Variants in ITGA2 observed in about 807,000 individuals in gnomAD.
The protein encoded by ITGA2 is integrin alpha-2.
Under a neutral mutation model 146.3 loss-of-function variants are expected in ITGA2, and 101 were observed. That is an observed-to-expected ratio of 0.69 (90% CI 0.59 to 0.81). The LOEUF is 0.81. ITGA2 is among the 40% of genes least tolerant of loss of function. The pLI, the probability that ITGA2 is intolerant of heterozygous loss-of-function variation, is 0.00. For missense variants in ITGA2, 1,281 were observed against 1,402.7 expected (o/e 0.91, Z 1.39); for synonymous variants, 477 against 487.1 (o/e 0.98, Z 0.27).
Position 53,090,784 on chromosome 5 carries a change from G to GA in ITGA2, c.*185_*186insA. 1 of 557,056 alleles carries GA rather than the reference G, an allele frequency of 1.8e-6. No homozygotes were observed. The highest frequency in any genetic ancestry group is 3.2e-6 in the Non-Finnish European group (1 of 308,394). The allele number at this position is 557,056 out of a possible 1,614,324, so 34.5% of individuals were successfully genotyped here. A position where few individuals can be genotyped will look rare whatever the true frequency, so the allele number is the denominator to read the frequency against. ...AAATTGTGGGGGGTGGGGGAGGTGCGGGGGGCAGGTAGGGAAATAATAGGG... is the reference window on the plus strand; with the variant it reads ...AAATTGTGGGGGGTGGGGGAGGTGCGAGGGGGCAGGTAGGGAAATAATAGGG... On this transcript the variant is annotated 3_prime_UTR_variant, in exon 30 of 30. Coordinates refer to ENST00000296585, the MANE Select transcript of ITGA2 (RefSeq NM_002203.4).
chr5:52,989,414 C>A lies in ITGA2; in HGVS notation c.-55C>A. The A allele has an allele frequency of 6.4e-7, 1 of 1,568,876 alleles. No individual in the cohort carries two copies. The highest frequency in any genetic ancestry group is 1.1e-5 in the South Asian group (1 of 90,164). ...TCTCGTATCCCTCGGCCAAGGGTAT[C>A]CTCTGCAAACCTCTGCAAACCCAGC... is the stretch of plus-strand genomic sequence containing the variant. On this transcript the variant is annotated 5_prime_UTR_variant, in exon 1 of 30. Transcript: ENST00000296585.
At chr5:52,992,895 TCA>T (rs1051740716) in intron 1 of ITGA2, among the ~76,000 whole-genome samples, 8 of 151,604 alleles carry the variant, frequency 5.3e-5, no homozygotes, top group African/African-American at 1.9e-4. Context: ...AAATACACAT[TCA>T]CACACACACA....
At chr5:53,002,994 C>T (rs952730766) in intron 1 of ITGA2, among the ~76,000 whole-genome samples, 1 of 152,002 alleles carries the variant, frequency 6.6e-6, no homozygotes, top group African/African-American at 2.4e-5. Context: ...TAGAAGAAAC[C>T]TCAAGATATC....
At chr5:53,033,984 C>T (rs547663437) in intron 2 of ITGA2, among the ~76,000 whole-genome samples, 2 of 152,162 alleles carry the variant, frequency 1.3e-5, no homozygotes, top group Admixed American at 6.5e-5. Context: ...AGGCTGATCT[C>T]GAACTCCTGG....
chr5:53,057,920 G>A (rs1744715171), intron 9 of ITGA2, 105 bp from the exon 10 acceptor site: 1 of 776,710 alleles, frequency 1.3e-6, no homozygotes, highest in Non-Finnish European at 2.3e-6. Flanking sequence ...GTGTGTGTTT[G>A]TGTTTGTGTT....
At chr5:53,086,861 C>A (rs1746178871) in intron 27 of ITGA2, 91 bp from the exon 28 acceptor site, 6 of 1,044,026 alleles carry the variant, frequency 5.7e-6, no homozygotes, top group Non-Finnish European at 8.8e-6. Flanking sequence ...TCACATTCCA[C>A]CAGGAAATAA....
At chr5:53,089,917 A>G in intron 28 of ITGA2, 29 bp from the exon 29 acceptor site, 1 of 1,352,102 alleles carries the variant, frequency 7.4e-7, no homozygotes, top group Non-Finnish European at 1.1e-6. Context: ...TGGTATTAAA[A>G]TAACTCAACT....
chr5:53,090,777 G>GGGGGGGA lies in ITGA2; in HGVS notation c.*178_*179insGGGGGGA. ...AATGAAGAAATTGTGGGGGGTGGGG[G>GGGGGGGA]AGGTGCGGGGGGCAGGTAGGGAAAT... On this transcript the variant is annotated 3_prime_UTR_variant, in exon 30 of 30. Transcript: ENST00000296585. The GGGGGGGA allele has an allele frequency of 2.7e-6, 1 of 365,146 alleles. No individual in the cohort carries two copies. The highest frequency in any genetic ancestry group is 5.4e-6 in the Non-Finnish European group (1 of 186,762). The allele number at this position is 365,146 out of a possible 1,614,324, so 22.6% of individuals were successfully genotyped here.
At chr5:53,000,653 C>T (rs1741531110) in intron 1 of ITGA2, among the ~76,000 whole-genome samples, 1 of 151,922 alleles carries the variant, frequency 6.6e-6, no homozygotes, top group African/African-American at 2.4e-5. Context: ...TATTATATTT[C>T]GCAGTTTATG....
intron 1 of ITGA2, 93 bp downstream of exon 1, chr5:52,989,625 G>A: frequency 2.9e-6 from 4 of 1,379,604 alleles, no homozygotes; most frequent in Non-Finnish European, 4.1e-6. Flanking sequence ...TAGGGAGCGA[G>A]CTCCGTGTGT....
intron 1 of ITGA2, among the ~76,000 whole-genome samples, chr5:53,024,640 C>A (rs1742853575): frequency 6.6e-6 from 1 of 152,124 alleles, no homozygotes; most frequent in Admixed American, 6.5e-5. Context: ...CAAGGGAGAG[C>A]AGAGACCTAT....
rs557431923 is a variant in ITGA2, at chr5:53,026,612, A to AT, written c.65-130dup. The AT allele has an allele frequency of 3.1e-3, 2,391 of 775,652 alleles. 8 individuals are homozygous for AT. Among genetic ancestry groups the AT allele is most frequent in the Non-Finnish European group, 3.6e-3 (1,698 of 465,828 alleles). 48.0% of individuals were successfully genotyped at this position (775,652 alleles called of 1,614,324 possible). On this transcript the variant is annotated intron_variant, in intron 1 of 29. Transcript: ENST00000296585. Reference sequence around the variant, plus strand: ...AATAAGTACTTAAAAAGCAGTAGTTATTTTTTCTGGGTAAACGTTGATAAG... The same window carrying AT: ...AATAAGTACTTAAAAAGCAGTAGTTATTTTTTTCTGGGTAAACGTTGATAAG...
intron 1 of ITGA2, among the ~76,000 whole-genome samples, chr5:53,012,262 A>G (rs1440100993): frequency 1.3e-5 from 2 of 152,178 alleles, no homozygotes; most frequent in Non-Finnish European, 2.9e-5. Context: ...TATTTGGATA[A>G]AAAAGGATGA....
chr5:53,013,393 C>G (rs1742240954), intron 1 of ITGA2, among the ~76,000 whole-genome samples: 1 of 146,704 alleles, frequency 6.8e-6, no homozygotes, highest in African/African-American at 2.5e-5. Flanking sequence ...TTTTTGTCAA[C>G]TTTGTCGAAG....
intron 1 of ITGA2, among the ~76,000 whole-genome samples, chr5:52,998,810 A>T (rs866751114): frequency 7.2e-5 from 11 of 152,332 alleles, no homozygotes; most frequent in African/African-American, 2.4e-4. Flanking sequence ...TGAGTGATGA[A>T]TCTATGAGCC....
chr5:53,032,827 C>G (rs1743286383), intron 2 of ITGA2, among the ~76,000 whole-genome samples: 1 of 152,112 alleles, frequency 6.6e-6, no homozygotes, highest in South Asian at 2.1e-4. Flanking sequence ...TGAATATACT[C>G]AGGAGCCGGA....
chr5:53,005,927 T>G (rs1320063251), intron 1 of ITGA2, among the ~76,000 whole-genome samples: 1 of 152,088 alleles, frequency 6.6e-6, no homozygotes, highest in Non-Finnish European at 1.5e-5. Context: ...ACCTTTCAGC[T>G]TAAAAAATGC....
intron 2 of ITGA2, among the ~76,000 whole-genome samples, chr5:53,029,602 G>A (rs1743128392): frequency 6.6e-6 from 1 of 152,120 alleles, no homozygotes; most frequent in Admixed American, 6.5e-5. Context: ...TGCTCTCTGA[G>A]TCACTCCAGC....
chr5:53,074,332 C>G, intron 20 of ITGA2, 53 bp from the exon 21 acceptor site: 2 of 1,438,772 alleles, frequency 1.4e-6, no homozygotes, highest in Non-Finnish European at 9.8e-7. Context: ...CGTGCATACA[C>G]ACACAAATGT....
Sources: allele counts gnomAD v4.1 joint callset (sites outside exome capture counted in the v4.1 genomes callset), GRCh38; gene constraint gnomAD v4.1.1; transcripts MANE v1.5; gene names NCBI Gene and HGNC (gene_info 2026-07-23, HGNC 2026-07-21).